Variants in ANO4 observed in about 807,000 individuals in gnomAD.
ANO4 encodes the protein anoctamin 4.
A neutral mutation model predicts 141.9 loss-of-function variants in ANO4; 69 were observed. That is an observed-to-expected ratio of 0.49 (90% CI 0.40 to 0.59). The LOEUF (loss-of-function observed/expected upper bound fraction) is 0.59. ANO4 is among the 20% of genes least tolerant of loss of function. ANO4 has a pLI of 0.00. For synonymous variants in ANO4, 350 were observed against 394.3 expected (o/e 0.89, Z 1.33); for missense variants, 894 against 1,162.2 (o/e 0.77, Z 3.36).
rs1306794849 is a variant in ANO4 at position 101,109,447 on chromosome 12, G to A, written c.2150-957G>A. Reference sequence around the variant, plus strand: ...GTGATGGCGGGCGCCTGTAATCCCAGCTACTCAGGAGGCTGAGGCAGGAGA... The same window carrying A: ...GTGATGGCGGGCGCCTGTAATCCCAACTACTCAGGAGGCTGAGGCAGGAGA... On this transcript the variant is annotated intron_variant, in intron 22 of 27. Coordinates refer to ENST00000392977, the MANE Select transcript of ANO4 (RefSeq NM_001286615.2). 1.4e-4 allele frequency among the ~76,000 whole-genome samples: 22 copies of A among 152,010 alleles called. 1 individual carries two copies. Among genetic ancestry groups the A allele is most frequent in the Admixed American group, 1.4e-3 (22 of 15,258 alleles).
intron 2 of ANO4, among the ~76,000 whole-genome samples, chr12:100,739,473 T>C (rs1211259110): frequency 6.6e-6 from 1 of 152,168 alleles, no homozygotes; most frequent in Non-Finnish European, 1.5e-5. Flanking sequence ...AGATCCAGTT[T>C]TCTCATCTGT....
intron 14 of ANO4, among the ~76,000 whole-genome samples, chr12:101,062,030 G>A (rs1321001250): frequency 2.6e-5 from 4 of 152,064 alleles, no homozygotes; most frequent in African/African-American, 9.7e-5. Flanking sequence ...ATCTACCTTT[G>A]GTCTTTGATG....
chr12:101,062,663 C>T (rs2048399944), intron 14 of ANO4, among the ~76,000 whole-genome samples: 1 of 152,210 alleles, frequency 6.6e-6, no homozygotes, highest in African/African-American at 2.4e-5. Flanking sequence ...TTCTAACTTC[C>T]TGGCGGCTTT....
chr12:101,114,896 C>T (rs1179858182), intron 24 of ANO4, among the ~76,000 whole-genome samples: 1 of 152,154 alleles, frequency 6.6e-6, no homozygotes, highest in Non-Finnish European at 1.5e-5. Flanking sequence ...ACTCCCTGAC[C>T]ATTTGTTTTC....
At chr12:101,012,899 G>T (rs971452576) in intron 8 of ANO4, among the ~76,000 whole-genome samples, 1 of 152,108 alleles carries the variant, frequency 6.6e-6, no homozygotes, top group Non-Finnish European at 1.5e-5. Context: ...AAGAGAGAGG[G>T]TCAAGGATGC....
intron 1 of ANO4, among the ~76,000 whole-genome samples, chr12:100,827,405 C>T (rs1225948906): frequency 6.6e-6 from 1 of 151,772 alleles, no homozygotes; most frequent in Non-Finnish European, 1.5e-5. Context: ...TCTATTTAAA[C>T]TTGTTAAAAA....
At chr12:100,864,841 C>T (rs780566451) in intron 1 of ANO4, among the ~76,000 whole-genome samples, 14 of 152,166 alleles carry the variant, frequency 9.2e-5, no homozygotes, top group Non-Finnish European at 1.8e-4. Context: ...TCCCCTAACC[C>T]CCGACACCCT....
chr12:100,971,242 A>G, intron 5 of ANO4, 64 bp from the exon 6 acceptor site: 4 of 1,214,268 alleles, frequency 3.3e-6, no homozygotes, highest in Non-Finnish European at 4.8e-6. Flanking sequence ...CTAAGTTCCA[A>G]CTCAACTTAA....
rs5800429 is a variant in ANO4, at chr12:100,840,123, A to AAT, written c.-141+45097_-141+45098insTA. Reference sequence around the variant, plus strand: ...CATGAAAAAGAAGTCCTTAAACCAAAAATAATAATAATAATAATAACAATA... The same window carrying AAT: ...CATGAAAAAGAAGTCCTTAAACCAAAATAATAATAATAATAATAATAACAATA... On this transcript the variant is annotated intron_variant, in intron 1 of 27. Transcript: ENST00000392977. Among the ~76,000 whole-genome samples the AAT allele has an allele frequency of 1.0e-4, 15 of 149,832 alleles. No individual in the cohort carries two copies. In the East Asian group the frequency reaches 1.2e-3, roughly 12 times the overall value.
intron 9 of ANO4, among the ~76,000 whole-genome samples, chr12:101,032,860 A>G (rs1170662168): frequency 1.3e-5 from 2 of 151,642 alleles, no homozygotes; most frequent in East Asian, 3.9e-4. Flanking sequence ...ACACTTTTAC[A>G]CTGTTGGTGG....
intron 5 of ANO4, among the ~76,000 whole-genome samples, chr12:100,962,682 A>G (rs1465312874): frequency 1.3e-5 from 2 of 152,204 alleles, no homozygotes; most frequent in Non-Finnish European, 2.9e-5. Flanking sequence ...TCAGCCAGAT[A>G]TAGTTCTCAG....
chr12:100,911,228 A>T (rs1012412104), intron 2 of ANO4, among the ~76,000 whole-genome samples: 1 of 152,208 alleles, frequency 6.6e-6, no homozygotes, highest in African/African-American at 2.4e-5. Flanking sequence ...AAACTAAGGC[A>T]TGAAGAAGGG....
chr12:100,884,814 C>T (rs762505416), intron 1 of ANO4, among the ~76,000 whole-genome samples: 2 of 152,208 alleles, frequency 1.3e-5, no homozygotes, highest in African/African-American at 4.8e-5. Context: ...CCCGCCTCAG[C>T]CCCCCGAGTA....
At chr12:101,007,872 A>G (rs2045936074) in intron 8 of ANO4, among the ~76,000 whole-genome samples, 1 of 152,148 alleles carries the variant, frequency 6.6e-6, no homozygotes, top group Non-Finnish European at 1.5e-5. Context: ...AGTGTGTGCC[A>G]GCACACTCAG....
chr12:100,738,636 A>G (rs1330350046), intron 2 of ANO4, among the ~76,000 whole-genome samples: 1 of 152,034 alleles, frequency 6.6e-6, no homozygotes, highest in Non-Finnish European at 1.5e-5. Flanking sequence ...AAAAGAACAT[A>G]TATTTATTTA....
intron 22 of ANO4, among the ~76,000 whole-genome samples, chr12:101,102,052 C>T (rs1409004874): frequency 1.3e-5 from 2 of 151,936 alleles, no homozygotes; most frequent in African/African-American, 4.8e-5. Flanking sequence ...CCATTGCACT[C>T]CAGCCTGGGA....
chr12:101,123,925 T>G (rs2051198950), intron 26 of ANO4, among the ~76,000 whole-genome samples: 1 of 152,186 alleles, frequency 6.6e-6, no homozygotes, highest in South Asian at 2.1e-4. Context: ...TTCATATTAT[T>G]TTTGGCTGCT....
chr12:100,862,115 C>T (rs571450841), intron 1 of ANO4, among the ~76,000 whole-genome samples: 2 of 152,150 alleles, frequency 1.3e-5, no homozygotes, highest in Non-Finnish European at 2.9e-5. Context: ...TTTAGAGCCA[C>T]GGGGTCTCAT....
intron 1 of ANO4, among the ~76,000 whole-genome samples, chr12:100,858,791 A>C (rs1176614905): frequency 1.1e-5 from 1 of 90,434 alleles, no homozygotes; most frequent in Non-Finnish European, 2.1e-5. Context: ...AAACCACTCT[A>C]CCATCTGCCC....
Sources: allele counts gnomAD v4.1 joint callset (sites outside exome capture counted in the v4.1 genomes callset), GRCh38; gene constraint gnomAD v4.1.1; transcripts MANE v1.5; gene names NCBI Gene and HGNC (gene_info 2026-07-23, HGNC 2026-07-21).